The following RAB38 variants were observed in gnomAD, a reference collection of about 807,000 sequenced individuals.
RAB38 encodes ras-related protein Rab-38.
In RAB38, 15 loss-of-function variants were observed where a neutral mutation model predicts 18.4. The ratio of observed to expected loss-of-function variants is 0.82; its 90% confidence interval spans 0.55 to 1.26. RAB38 has a LOEUF of 1.26. RAB38 is among the 50% of genes most tolerant of loss of function. RAB38 has a pLI of 0.00. For missense variants in RAB38, 294 were observed against 267.4 expected, an observed-to-expected ratio of 1.10 and a Z score of -0.69; for synonymous variants, 101 against 104.4, an observed-to-expected ratio of 0.97 and a Z score of 0.20.
chr11:87,948,784 T>G, the RAB38 span, among the ~76,000 whole-genome samples: 1 of 151,018 alleles, frequency 6.6e-6, no homozygotes, highest in Non-Finnish European at 1.5e-5. Flanking sequence ...GCTGCTGGAT[T>G]CGGTTTGCCA....
chr11:87,838,183 C>T, the RAB38 span, among the ~76,000 whole-genome samples: 9 of 151,660 alleles, frequency 5.9e-5, no homozygotes, highest in African/African-American at 1.7e-4. Flanking sequence ...GGCATGATCT[C>T]GGCTCACTGC....
At chr11:87,905,968 G>T in the RAB38 span, among the ~76,000 whole-genome samples, 1 of 151,944 alleles carries the variant, frequency 6.6e-6, no homozygotes, top group Non-Finnish European at 1.5e-5. Context: ...ATACCTGTGT[G>T]CCTCTTGGTC....
At chr11:87,856,880 A>G in the RAB38 span, among the ~76,000 whole-genome samples, 1 of 152,080 alleles carries the variant, frequency 6.6e-6, no homozygotes, top group Non-Finnish European at 1.5e-5. Context: ...TTTAAAAATT[A>G]TACTTTAAGT....
the RAB38 span, among the ~76,000 whole-genome samples, chr11:87,844,099 T>C: frequency 6.6e-6 from 1 of 152,210 alleles, no homozygotes; most frequent in Admixed American, 6.5e-5. Flanking sequence ...GATTCAAAGC[T>C]ACAGCTACTC....
chr11:87,827,695 C>T, the RAB38 span, among the ~76,000 whole-genome samples: 2 of 152,142 alleles, frequency 1.3e-5, no homozygotes, highest in South Asian at 4.1e-4. Context: ...AGCCTGTTTT[C>T]CCAATGCTAA....
At chr11:88,171,405 G>A (rs764434384) in intron 1 of RAB38, among the ~76,000 whole-genome samples, 1 of 152,184 alleles carries the variant, frequency 6.6e-6, no homozygotes, top group African/African-American at 2.4e-5. Context: ...AAGTATCACA[G>A]GAAAATTAAA....
At chr11:88,131,268 T>C (rs1011530777) in intron 2 of RAB38, among the ~76,000 whole-genome samples, 1 of 152,220 alleles carries the variant, frequency 6.6e-6, no homozygotes, top group Non-Finnish European at 1.5e-5. Flanking sequence ...TTAAGAAGTA[T>C]GACAATGTTA....
At chr11:87,972,270 G>T in the RAB38 span, among the ~76,000 whole-genome samples, 4 of 152,030 alleles carry the variant, frequency 2.6e-5, no homozygotes, top group African/African-American at 9.7e-5. Context: ...AAAATAGTCT[G>T]TTATCTAAAC....
chr11:87,916,934 A>AT, the RAB38 span, among the ~76,000 whole-genome samples: 164 of 152,228 alleles, frequency 1.1e-3, 1 homozygote, highest in Admixed American at 9.3e-3. Context: ...CATGCTTATG[A>AT]TTTTTTTAGT....
chr11:88,135,483 T>A (rs935133794), intron 2 of RAB38, among the ~76,000 whole-genome samples: 3 of 152,242 alleles, frequency 2.0e-5, no homozygotes, highest in African/African-American at 7.2e-5. Flanking sequence ...GTTAAACTGC[T>A]CGCCACATCT....
At chr11:88,143,259 G>T (rs1016227482) in intron 2 of RAB38, among the ~76,000 whole-genome samples, 3 of 152,336 alleles carry the variant, frequency 2.0e-5, no homozygotes, top group Middle Eastern at 3.4e-3. Flanking sequence ...AAGCTAAAAT[G>T]TATGTAAAGC....
At chr11:87,974,208 G>T in the RAB38 span, among the ~76,000 whole-genome samples, 121 of 119,512 alleles carry the variant, frequency 1.0e-3, 1 homozygote, top group Non-Finnish European at 1.7e-3. Flanking sequence ...ACAAGCTGAT[G>T]TAAGTATGTT....
chr11:88,016,713 C>T, the RAB38 span, among the ~76,000 whole-genome samples: 1 of 151,992 alleles, frequency 6.6e-6, no homozygotes, highest in Non-Finnish European at 1.5e-5. Context: ...TCCTTAAAAG[C>T]AGGTAGATTC....
the RAB38 span, among the ~76,000 whole-genome samples, chr11:87,812,196 G>C: frequency 6.6e-6 from 1 of 152,064 alleles, no homozygotes; most frequent in African/African-American, 2.4e-5. Flanking sequence ...TTTGTAAAAT[G>C]AATAGATATG....
chr11:88,145,033 G>A (rs993693069), intron 2 of RAB38, among the ~76,000 whole-genome samples: 1 of 152,116 alleles, frequency 6.6e-6, no homozygotes, highest in Non-Finnish European at 1.5e-5. Flanking sequence ...CGGCTAGATC[G>A]GCGTATGGGC....
At chr11:88,037,841 C>A in the RAB38 span, among the ~76,000 whole-genome samples, 1 of 151,930 alleles carries the variant, frequency 6.6e-6, no homozygotes, top group Admixed American at 6.6e-5. Context: ...TCTTATATAT[C>A]TTCTTTGGGA....
the RAB38 span, among the ~76,000 whole-genome samples, chr11:87,856,032 C>T: frequency 6.6e-6 from 1 of 152,124 alleles, no homozygotes. Context: ...TTTTGGAACA[C>T]ACCACAATTT....
the RAB38 span, among the ~76,000 whole-genome samples, chr11:87,838,809 T>C: frequency 6.6e-6 from 1 of 152,234 alleles, no homozygotes; most frequent in African/African-American, 2.4e-5. Context: ...ACTTTAAAAA[T>C]ATCTAACATT....
chr11:87,826,825 T>C, the RAB38 span, among the ~76,000 whole-genome samples: 1 of 152,172 alleles, frequency 6.6e-6, no homozygotes, highest in African/African-American at 2.4e-5. Context: ...CACACCCAGA[T>C]AACCAGCCTC....
Sources: gnomAD v4.1 joint callset for allele counts (sites outside exome capture counted in the v4.1 genomes callset) on GRCh38, gnomAD v4.1.1 for gene constraint, MANE v1.5 for transcripts, NCBI Gene and HGNC (gene_info 2026-07-23, HGNC 2026-07-21) for gene names.